Variants in NECTIN3 observed in about 807,000 individuals in gnomAD.
The protein encoded by NECTIN3 is nectin-3.
NECTIN3 carries 8 observed loss-of-function variants against 49.4 expected under a neutral mutation model. That is an observed-to-expected ratio of 0.16 (90% CI 0.10 to 0.29). The LOEUF is 0.29. Ranked by LOEUF, NECTIN3 falls within the 10% of genes least tolerant of loss-of-function variation. The pLI, the probability that NECTIN3 is intolerant of heterozygous loss-of-function variation, is 1.00. For synonymous variants in NECTIN3, 277 were observed against 241.1 expected (o/e 1.15, Z -1.38); for missense variants, 581 against 654.6 (o/e 0.89, Z 1.23).
intron 7 of NECTIN3, among the ~76,000 whole-genome samples, chr3:111,185,517 G>A (rs1352192585): frequency 6.6e-6 from 1 of 152,140 alleles, no homozygotes; most frequent in Non-Finnish European, 1.5e-5. Flanking sequence ...AAGTAAAAAT[G>A]TATCACTTGT....
intron 5 of NECTIN3, among the ~76,000 whole-genome samples, chr3:111,128,171 C>G (rs746271689): frequency 1.3e-5 from 2 of 151,878 alleles, no homozygotes; most frequent in Non-Finnish European, 2.9e-5. Flanking sequence ...AAACCTGTCT[C>G]TACTAAAAAT....
chr3:111,185,564 A>G (rs969213831), intron 7 of NECTIN3, among the ~76,000 whole-genome samples: 1 of 152,220 alleles, frequency 6.6e-6, no homozygotes, highest in Admixed American at 6.5e-5. Context: ...AGATATATCA[A>G]TCAAATGAAA....
intron 1 of NECTIN3, among the ~76,000 whole-genome samples, chr3:111,102,196 T>C (rs901620855): frequency 3.9e-5 from 6 of 152,160 alleles, no homozygotes; most frequent in Non-Finnish European, 8.8e-5. Context: ...AAAAGCTTTT[T>C]GGCAGTTTTC....
rs562754342 is a variant in NECTIN3 at position 111,117,873 on chromosome 3, A to T, written c.503-783A>T. 2.6e-5 allele frequency among the ~76,000 whole-genome samples: 4 copies of T among 152,216 alleles called. No individual in the cohort carries two copies. In the East Asian group the frequency reaches 7.7e-4, roughly 29 times the overall value. On this transcript the variant is annotated intron_variant, in intron 2 of 5. Transcript: ENST00000485303. ...GCAGAGTAGATTGAGAGGTTCTAAC[A>T]TTGTTACTTTACCCTGCTGAGGAAC...
chr3:111,107,020 C>G (rs1343958012), intron 1 of NECTIN3, among the ~76,000 whole-genome samples: 1 of 152,028 alleles, frequency 6.6e-6, no homozygotes, highest in African/African-American at 2.4e-5. Flanking sequence ...TGGTTCATTT[C>G]TGAGAGTCAG....
intron 5 of NECTIN3, among the ~76,000 whole-genome samples, chr3:111,144,447 T>G (rs1474166516): frequency 6.6e-6 from 1 of 151,934 alleles, no homozygotes; most frequent in Non-Finnish European, 1.5e-5. Context: ...GGATATTTTC[T>G]GTTTTGCACT....
At chr3:111,151,888 T>C (rs1032338506) in intron 7 of NECTIN3, among the ~76,000 whole-genome samples, 1 of 151,760 alleles carries the variant, frequency 6.6e-6, no homozygotes, top group Non-Finnish European at 1.5e-5. Context: ...CCTACCCCCA[T>C]CTACAGATAA....
At chr3:111,144,855 A>C (rs764484703) in intron 5 of NECTIN3, 1 of 1,494,418 alleles carries the variant, frequency 6.7e-7, no homozygotes, top group Middle Eastern at 1.7e-4. Flanking sequence ...TTCAAGAATT[A>C]TTTTTAAGAT....
At chr3:111,160,835 G>T (rs2035198799) in intron 7 of NECTIN3, among the ~76,000 whole-genome samples, 1 of 152,092 alleles carries the variant, frequency 6.6e-6, no homozygotes, top group Admixed American at 6.5e-5. Context: ...GTGAAACCCT[G>T]TATCTACTAA....
intron 4 of NECTIN3, among the ~76,000 whole-genome samples, chr3:111,123,711 T>G (rs2034047271): frequency 1.3e-5 from 2 of 152,172 alleles, no homozygotes; most frequent in African/African-American, 4.8e-5. Flanking sequence ...TCCAAATTTT[T>G]TTTTGGATTC....
chr3:111,169,591 G>A (rs948692121), intron 7 of NECTIN3, among the ~76,000 whole-genome samples: 1 of 152,030 alleles, frequency 6.6e-6, no homozygotes, highest in African/African-American at 2.4e-5. Flanking sequence ...TTTTAAAGTT[G>A]TTGATGATTA....
chr3:111,192,306 T>C, upstream of NECTIN3: 1 of 1,470,658 alleles, frequency 6.8e-7, no homozygotes, highest in Non-Finnish European at 9.2e-7. Context: ...TTGATATGTT[T>C]TGCCATGTGT....
Position 111,134,632 on chromosome 3 carries a change from CCACT to C in NECTIN3, c.*420_*423del, listed in dbSNP as rs2034513781. 1.1e-6 allele frequency: 1 copy of C among 888,684 alleles called. No homozygotes were observed. The allele number at this position is 888,684 out of a possible 1,614,324, so 55.0% of individuals were successfully genotyped here. On this transcript the variant is annotated 3_prime_UTR_variant, in exon 6 of 6. Coordinates refer to ENST00000485303, the MANE Select transcript of NECTIN3 (RefSeq NM_015480.3). ...AACATATACCTCTCAAAATTTATCA[CCACT>C]CAATGACACTGCATCAAAATTGACT...
At position 111,077,145 on chromosome 3, in the gene NECTIN3, A is replaced by G. The variant is rs771114357; in HGVS notation, c.160+4968A>G. ...GTATTATAGTTATTTTAGAAAGGAT[A>G]TTATATATTTATATTTTGAATTTTA... On this transcript the variant is annotated intron_variant, in intron 1 of 5. Coordinates refer to ENST00000485303, the MANE Select transcript of NECTIN3 (RefSeq NM_015480.3). 22 of 421,842 alleles carry G rather than the reference A, an allele frequency of 5.2e-5. 1 individual carries two copies. Among genetic ancestry groups the G allele is most frequent in the South Asian group, 3.9e-4 (22 of 56,546 alleles). 26.1% of individuals were successfully genotyped at this position (421,842 alleles called of 1,614,324 possible).
Position 111,133,869 on chromosome 3 carries a change from G to T in NECTIN3, c.1304G>T (p.Arg435Leu). 6.2e-7 allele frequency: 1 copy of T among 1,613,906 alleles called. No individual in the cohort carries two copies. Among genetic ancestry groups the T allele is most frequent in the Non-Finnish European group, 8.5e-7 (1 of 1,179,886 alleles). The change falls in exon 6 of 6, where the codon CGT becomes CTT. Residue 435 changes from arginine (R) to leucine (L), a missense_variant. Transcript: ENST00000485303. Reference protein sequence around the residue: ...IFCYRRRRTFRGDYFAKNYIP... With the variant: ...IFCYRRRRTFLGDYFAKNYIP... ...TGCTATAGGAGAAGACGGACGTTTC[G>T]TGGAGACTACTTTGCCAAGAACTAC... is the stretch of plus-strand genomic sequence containing the variant.
chr3:111,160,668 A>T (rs980513939), intron 7 of NECTIN3, among the ~76,000 whole-genome samples: 10 of 152,180 alleles, frequency 6.6e-5, no homozygotes, highest in African/African-American at 2.4e-4. Context: ...AATTTTAAAA[A>T]TTATTTCTGA....
chr3:111,134,720 C>G lies in NECTIN3; in HGVS notation c.*505C>G, dbSNP rs943642486. On this transcript the variant is annotated 3_prime_UTR_variant, in exon 6 of 6. Coordinates refer to ENST00000485303, the MANE Select transcript of NECTIN3 (RefSeq NM_015480.3). ...TTTTAATATACAAAAAATATTTAGC[C>G]TGATGGAATGGCTTTCCTTTTCAAA... The G allele has an allele frequency of 1.1e-6, 1 of 891,318 alleles. No homozygotes were observed. The highest frequency in any genetic ancestry group is 1.8e-5 in the African/African-American group (1 of 54,980). The allele number at this position is 891,318 out of a possible 1,614,324, so 55.2% of individuals were successfully genotyped here. A position where few individuals can be genotyped will look rare whatever the true frequency, so the allele number is the denominator to read the frequency against.
intron 1 of NECTIN3, among the ~76,000 whole-genome samples, chr3:111,091,676 T>G (rs2032280890): frequency 6.6e-6 from 1 of 152,230 alleles, no homozygotes; most frequent in Non-Finnish European, 1.5e-5. Flanking sequence ...GTTATGTAGA[T>G]ATCACATTTG....
chr3:111,155,245 C>T (rs2035074652), intron 7 of NECTIN3, among the ~76,000 whole-genome samples: 1 of 152,174 alleles, frequency 6.6e-6, no homozygotes, highest in African/African-American at 2.4e-5. Flanking sequence ...CCAACAGTGA[C>T]TTTTGAGAAA....
Sources: gnomAD v4.1 joint callset for allele counts (sites outside exome capture counted in the v4.1 genomes callset) on GRCh38, gnomAD v4.1.1 for gene constraint, MANE v1.5 for transcripts, NCBI Gene and HGNC (gene_info 2026-07-23, HGNC 2026-07-21) for gene names.